The following LRRC7 variants were observed in gnomAD, a reference collection of about 807,000 sequenced individuals.
The protein encoded by LRRC7 is leucine rich repeat containing 7, also known as leucine-rich repeat-containing protein 7.
A neutral mutation model predicts 175.7 loss-of-function variants in LRRC7; 23 were observed. That is an observed-to-expected ratio of 0.13 (90% CI 0.09 to 0.19). The LOEUF (loss-of-function observed/expected upper bound fraction) is 0.19. Ranked by LOEUF, LRRC7 falls within the 10% of genes least tolerant of loss-of-function variation. The pLI is 1.00. For synonymous variants in LRRC7, 685 were observed against 680.9 expected (o/e 1.01, Z -0.09); for missense variants, 1,354 against 1,904.7 (o/e 0.71, Z 5.38).
At chr1:69,858,036 G>C (rs991244341) in intron 7 of LRRC7, among the ~76,000 whole-genome samples, 7 of 152,292 alleles carry the variant, frequency 4.6e-5, no homozygotes, top group Admixed American at 1.3e-4. Flanking sequence ...AATAAATGGT[G>C]CTGGGAAAAC....
At position 69,600,796 on chromosome 1, in the gene LRRC7, G is replaced by GTTCTTTTT. The variant is rs1557463083; in HGVS notation, c.2+32157_2+32158insCTTTTTTT. Among the ~76,000 whole-genome samples the GTTCTTTTT allele has an allele frequency of 1.5e-4, 4 of 26,360 alleles. 1 individual carries two copies. The highest frequency in any genetic ancestry group is 1.1e-3 in the South Asian group (1 of 902). 17.3% of individuals were successfully genotyped at this position (26,360 alleles called of 152,430 possible). A position where few individuals can be genotyped will look rare whatever the true frequency, so the allele number is the denominator to read the frequency against. Reference sequence around the variant, plus strand: ...TTAGCCATTTCTCCAAGGATCTCTGGTTTCTTTTTTTTTTTTTTTTTTTTT... The same window carrying GTTCTTTTT: ...TTAGCCATTTCTCCAAGGATCTCTGGTTCTTTTTTTTCTTTTTTTTTTTTTTTTTTTTT... On this transcript the variant is annotated intron_variant, in intron 1 of 26. Transcript: ENST00000651989.
intron 7 of LRRC7, among the ~76,000 whole-genome samples, chr1:69,905,923 T>A (rs1012733875): frequency 1.3e-5 from 2 of 152,226 alleles, no homozygotes; most frequent in African/African-American, 2.4e-5. Flanking sequence ...GCACCTGTTG[T>A]TTCCTGACTT....
At chr1:69,880,507 T>G (rs1247324911) in intron 7 of LRRC7, among the ~76,000 whole-genome samples, 2 of 152,204 alleles carry the variant, frequency 1.3e-5, no homozygotes, top group African/African-American at 4.8e-5. Flanking sequence ...AGCCAACTTC[T>G]TAGATCCTCT....
chr1:69,876,547 A>G lies in LRRC7; in HGVS notation c.647+38264A>G, dbSNP rs78777172. Among the ~76,000 whole-genome samples, 9 of 152,310 alleles carry G rather than the reference A, an allele frequency of 5.9e-5. No individual in the cohort carries two copies. In the East Asian group the frequency reaches 1.4e-3, roughly 23 times the overall value. ...TTTAGAACAGCATGAGAATGTGGAA[A>G]CTACGTCTTGCTCAAATCTCAATGA... is the stretch of plus-strand genomic sequence containing the variant. On this transcript the variant is annotated intron_variant, in intron 7 of 26. Coordinates refer to ENST00000651989, the MANE Select transcript of LRRC7 (RefSeq NM_001370785.2).
chr1:69,721,028 T>C (rs1005876534), intron 2 of LRRC7, among the ~76,000 whole-genome samples: 1 of 151,830 alleles, frequency 6.6e-6, no homozygotes, highest in African/African-American at 2.4e-5. Flanking sequence ...TCTTTTCTTT[T>C]ACTCAGAATT....
intron 3 of LRRC7, among the ~76,000 whole-genome samples, chr1:69,786,956 T>C (rs1339520611): frequency 6.6e-6 from 1 of 152,168 alleles, no homozygotes; most frequent in East Asian, 1.9e-4. Context: ...CAAAGTCTCA[T>C]CTGAGACAAG....
intron 2 of LRRC7, among the ~76,000 whole-genome samples, chr1:69,716,626 A>G (rs1175281766): frequency 6.6e-6 from 1 of 151,892 alleles, no homozygotes; most frequent in East Asian, 1.9e-4. Flanking sequence ...TAATGCTTCT[A>G]AGAAATAAAG....
chr1:69,906,019 C>T (rs985610135), intron 7 of LRRC7, among the ~76,000 whole-genome samples: 1 of 152,224 alleles, frequency 6.6e-6, no homozygotes, highest in Non-Finnish European at 1.5e-5. Context: ...TGATGGCGAG[C>T]ATTTGTTCAT....
intron 8 of LRRC7, among the ~76,000 whole-genome samples, chr1:69,943,716 A>C (rs1332057645): frequency 6.6e-6 from 1 of 152,106 alleles, no homozygotes; most frequent in African/African-American, 2.4e-5. Flanking sequence ...AAAGGAATTC[A>C]TGCAAATAGG....
At chr1:69,823,306 A>G (rs979108860) in intron 4 of LRRC7, among the ~76,000 whole-genome samples, 3 of 152,180 alleles carry the variant, frequency 2.0e-5, no homozygotes, top group Admixed American at 2.0e-4. Context: ...ACTATTATAA[A>G]TTCATCTTTA....
chr1:70,058,518 C>G (rs960573425), intron 23 of LRRC7, among the ~76,000 whole-genome samples: 6 of 152,318 alleles, frequency 3.9e-5, no homozygotes, highest in Middle Eastern at 3.4e-3. Context: ...AATTACATCA[C>G]TTCTGTTACT....
At chr1:69,619,637 G>T (rs1569977153) in intron 1 of LRRC7, among the ~76,000 whole-genome samples, 1 of 152,248 alleles carries the variant, frequency 6.6e-6, no homozygotes, top group East Asian at 1.9e-4. Context: ...AATTAACAGA[G>T]TGAGCTAATC....
At chr1:69,993,130 A>C (rs951188911) in intron 10 of LRRC7, among the ~76,000 whole-genome samples, 1 of 152,190 alleles carries the variant, frequency 6.6e-6, no homozygotes, top group African/African-American at 2.4e-5. Context: ...ACTGTAACAT[A>C]TGCTCTGGAG....
At chr1:69,972,383 A>G (rs1198795438) in intron 8 of LRRC7, among the ~76,000 whole-genome samples, 1 of 152,252 alleles carries the variant, frequency 6.6e-6, no homozygotes, top group African/African-American at 2.4e-5. Flanking sequence ...AAAAAGGACT[A>G]ATGTGCAGAA....
At chr1:69,907,614 G>C (rs1570598277) in intron 7 of LRRC7, among the ~76,000 whole-genome samples, 1 of 152,084 alleles carries the variant, frequency 6.6e-6, no homozygotes, top group Non-Finnish European at 1.5e-5. Context: ...ATGAAGCCCA[G>C]CTGATCATGA....
At chr1:69,860,683 A>G (rs1200021545) in intron 7 of LRRC7, among the ~76,000 whole-genome samples, 1 of 152,068 alleles carries the variant, frequency 6.6e-6, no homozygotes, top group African/African-American at 2.4e-5. Context: ...TAAATATTCC[A>G]TTCACTAGAG....
At chr1:69,743,991 A>G (rs892228987) in intron 2 of LRRC7, among the ~76,000 whole-genome samples, 1 of 151,746 alleles carries the variant, frequency 6.6e-6, no homozygotes, top group South Asian at 2.1e-4. Flanking sequence ...TTAACTACTT[A>G]CTATCCTCTA....
intron 8 of LRRC7, among the ~76,000 whole-genome samples, chr1:69,943,202 A>G (rs1250598585): frequency 6.6e-6 from 1 of 152,146 alleles, no homozygotes; most frequent in South Asian, 2.1e-4. Context: ...AACAATAGAA[A>G]TGTCCATCAC....
intron 3 of LRRC7, among the ~76,000 whole-genome samples, chr1:69,772,084 G>A (rs1169585343): frequency 5.3e-5 from 8 of 152,036 alleles, no homozygotes; most frequent in Non-Finnish European, 1.2e-4. Context: ...TCGCGCCACT[G>A]CATTCCAGCC....
Sources: gnomAD v4.1 joint callset for allele counts (sites outside exome capture counted in the v4.1 genomes callset) on GRCh38, gnomAD v4.1.1 for gene constraint, MANE v1.5 for transcripts, NCBI Gene and HGNC (gene_info 2026-07-23, HGNC 2026-07-21) for gene names.